Variants in SLC25A21 observed in about 807,000 individuals in gnomAD.
SLC25A21 encodes mitochondrial 2-oxodicarboxylate carrier.
Under a neutral mutation model 43.8 loss-of-function variants are expected in SLC25A21, and 47 were observed. That is an observed-to-expected ratio of 1.07 (90% CI 0.85 to 1.37). SLC25A21 has a LOEUF of 1.37. Ranked by LOEUF, SLC25A21 falls within the 40% of genes most tolerant of loss-of-function variation. SLC25A21 has a pLI of 0.00. For synonymous variants in SLC25A21, 131 were observed against 121.3 expected, an observed-to-expected ratio of 1.08 and a Z score of -0.52; for missense variants, 352 against 350.2, an observed-to-expected ratio of 1.00 and a Z score of -0.04.
chr14:36,783,768 G>C (rs1887155814), intron 3 of SLC25A21, among the ~76,000 whole-genome samples: 1 of 152,136 alleles, frequency 6.6e-6, no homozygotes, highest in Admixed American at 6.5e-5. Context: ...AAGTATACTT[G>C]TCTGTAAGTG....
In SLC25A21 at chr14:36,903,614, G is replaced by GAAAAAA. The variant is rs71124784; in HGVS notation, c.71-28616_71-28611dup. On this transcript the variant is annotated intron_variant, in intron 1 of 9. Transcript: ENST00000331299. ...GGTGACAGAGTGAGACTCCGTCTCA[G>GAAAAAA]AAAAAAAAAAAAAAAAAAAAAAAAA... 2.6e-3 allele frequency among the ~76,000 whole-genome samples: 133 copies of GAAAAAA among 50,452 alleles called. 13 individuals are homozygous for GAAAAAA. The highest frequency in any genetic ancestry group is 0.059 in the Middle Eastern group (2 of 34). 33.1% of individuals were successfully genotyped at this position (50,452 alleles called of 152,430 possible). A position where few individuals can be genotyped will look rare whatever the true frequency, so the allele number is the denominator to read the frequency against.
At chr14:36,774,611 A>G (rs780541163) in intron 3 of SLC25A21, among the ~76,000 whole-genome samples, 22 of 151,978 alleles carry the variant, frequency 1.4e-4, no homozygotes, top group Non-Finnish European at 2.9e-4. Flanking sequence ...TCTGTTGCCC[A>G]GGCTGGAGGG....
At chr14:37,135,768 A>G (rs1357520673) in intron 1 of SLC25A21, among the ~76,000 whole-genome samples, 1 of 152,184 alleles carries the variant, frequency 6.6e-6, no homozygotes, top group East Asian at 1.9e-4. Flanking sequence ...CTGAAGCCAA[A>G]TTACCTCGGT....
chr14:37,063,927 A>G (rs755208795), intron 1 of SLC25A21, among the ~76,000 whole-genome samples: 23 of 152,174 alleles, frequency 1.5e-4, no homozygotes, highest in Non-Finnish European at 2.8e-4. Context: ...TGTGCCATTG[A>G]CTATCACGAT....
intron 1 of SLC25A21, among the ~76,000 whole-genome samples, chr14:36,908,267 T>C (rs555344033): frequency 6.6e-6 from 1 of 152,308 alleles, no homozygotes; most frequent in Non-Finnish European, 1.5e-5. Flanking sequence ...GTGACAAATG[T>C]ACTACTCCGG....
chr14:36,937,802 A>T (rs2138644996), intron 1 of SLC25A21, among the ~76,000 whole-genome samples: 1 of 152,306 alleles, frequency 6.6e-6, no homozygotes, highest in East Asian at 1.9e-4. Flanking sequence ...GCAAGAAAGA[A>T]TAGAAAATGC....
At chr14:36,895,101 T>C (rs1416118142) in intron 1 of SLC25A21, among the ~76,000 whole-genome samples, 2 of 152,206 alleles carry the variant, frequency 1.3e-5, no homozygotes, top group East Asian at 3.8e-4. Context: ...ATTGGAATAG[T>C]TTCAGAAGGA....
At chr14:36,996,065 G>A (rs1477050700) in intron 1 of SLC25A21, among the ~76,000 whole-genome samples, 2 of 152,130 alleles carry the variant, frequency 1.3e-5, no homozygotes, top group Non-Finnish European at 2.9e-5. Context: ...CAAAGTTTGT[G>A]ACCCTCCTCC....
intron 7 of SLC25A21, among the ~76,000 whole-genome samples, chr14:36,694,478 G>A (rs1184184948): frequency 1.3e-5 from 2 of 152,162 alleles, no homozygotes; most frequent in African/African-American, 2.4e-5. Context: ...GATCCTTGAG[G>A]AATCGCCACT....
intron 3 of SLC25A21, among the ~76,000 whole-genome samples, chr14:36,784,944 G>A (rs1003657588): frequency 6.6e-6 from 1 of 152,132 alleles, no homozygotes; most frequent in African/African-American, 2.4e-5. Flanking sequence ...CATTAGAACT[G>A]GTAGCTAAAA....
chr14:37,041,814 T>C (rs1291430293), intron 1 of SLC25A21, among the ~76,000 whole-genome samples: 1 of 152,208 alleles, frequency 6.6e-6, no homozygotes, highest in Non-Finnish European at 1.5e-5. Context: ...TTTGCTTAAA[T>C]GATTAGGAAC....
intron 9 of SLC25A21, 113 bp downstream of exon 9, chr14:36,683,715 T>TTATA (rs1882396424): frequency 1.5e-6 from 1 of 674,612 alleles, no homozygotes; most frequent in African/African-American, 1.8e-5. Context: ...ATTCTCAAGG[T>TTATA]TTCTGTCTTT....
chr14:36,806,400 GATAA>G (rs1888042303), intron 3 of SLC25A21, among the ~76,000 whole-genome samples: 1 of 152,042 alleles, frequency 6.6e-6, no homozygotes, highest in Non-Finnish European at 1.5e-5. Flanking sequence ...TACAAGAAAT[GATAA>G]ATGTTTGAGG....
intron 1 of SLC25A21, among the ~76,000 whole-genome samples, chr14:36,906,702 C>T (rs967398936): frequency 6.6e-6 from 1 of 151,910 alleles, no homozygotes. Flanking sequence ...GACGGGGTAT[C>T]ACCATGTTGG....
chr14:37,121,046 C>G (rs1385624846), intron 1 of SLC25A21, among the ~76,000 whole-genome samples: 1 of 152,108 alleles, frequency 6.6e-6, no homozygotes, highest in African/African-American at 2.4e-5. Context: ...TGACCAAGGT[C>G]TTTTAACCTT....
intron 2 of SLC25A21, among the ~76,000 whole-genome samples, chr14:36,836,769 G>A (rs1252718295): frequency 1.3e-5 from 2 of 152,174 alleles, no homozygotes; most frequent in Non-Finnish European, 2.9e-5. Flanking sequence ...TAAGAAAAGG[G>A]AAGAAAGGCA....
chr14:37,095,826 A>G, intron 1 of SLC25A21, among the ~76,000 whole-genome samples: 1 of 38,102 alleles, frequency 2.6e-5, no homozygotes. Flanking sequence ...ACGCACACAC[A>G]CACACACACA....
intron 1 of SLC25A21, among the ~76,000 whole-genome samples, chr14:37,111,870 AC>A (rs1963024708): frequency 6.6e-6 from 1 of 152,218 alleles, no homozygotes; most frequent in African/African-American, 2.4e-5. Flanking sequence ...TTTATGAAAG[AC>A]TTTTCTAATG....
At chr14:36,985,808 T>G (rs1428800765) in intron 1 of SLC25A21, among the ~76,000 whole-genome samples, 2 of 152,240 alleles carry the variant, frequency 1.3e-5, no homozygotes, top group Non-Finnish European at 2.9e-5. Flanking sequence ...ATTTATTCAC[T>G]TATTTGTATC....
Sources: allele counts gnomAD v4.1 joint callset (sites outside exome capture counted in the v4.1 genomes callset), GRCh38; gene constraint gnomAD v4.1.1; transcripts MANE v1.5; gene names NCBI Gene and HGNC (gene_info 2026-07-23, HGNC 2026-07-21).